Variants in IMMP2L observed in about 807,000 individuals in gnomAD.
IMMP2L encodes mitochondrial inner membrane protease subunit 2.
In IMMP2L, 18 loss-of-function variants were observed where a neutral mutation model predicts 19.3. The observed-to-expected ratio is 0.93, with a 90% CI of 0.64 to 1.38. The LOEUF (loss-of-function observed/expected upper bound fraction) is 1.38, where lower values mean the gene tolerates loss of function less well. Among genes scored for constraint, IMMP2L ranks in the 40% most tolerant of loss-of-function variants. The pLI, the probability that IMMP2L is intolerant of heterozygous loss-of-function variation, is 0.00. For synonymous variants in IMMP2L, 76 were observed against 73.0 expected (o/e 1.04, Z -0.21); for missense variants, 233 against 218.2 (o/e 1.07, Z -0.43).
intron 3 of IMMP2L, among the ~76,000 whole-genome samples, chr7:111,258,006 C>T (rs191916733): frequency 1.3e-5 from 2 of 152,082 alleles, no homozygotes; most frequent in Non-Finnish European, 2.9e-5. Flanking sequence ...TGTTCAACTC[C>T]ACTTATGAGT....
chr7:111,046,636 C>A (rs1792421820), intron 3 of IMMP2L, among the ~76,000 whole-genome samples: 1 of 152,198 alleles, frequency 6.6e-6, no homozygotes. Context: ...GGAATTAGAA[C>A]TCTATACCAG....
chr7:111,434,411 C>A (rs1475596074), intron 3 of IMMP2L, among the ~76,000 whole-genome samples: 1 of 149,540 alleles, frequency 6.7e-6, no homozygotes, highest in Non-Finnish European at 1.5e-5. Context: ...AAAAGAATCA[C>A]AATCAGCAGA....
chr7:110,684,824 G>A (rs184762480), intron 5 of IMMP2L, among the ~76,000 whole-genome samples: 2 of 152,082 alleles, frequency 1.3e-5, no homozygotes, highest in East Asian at 1.9e-4. Flanking sequence ...AACAAGATAT[G>A]CGTGCAGCAA....
intron 3 of IMMP2L, among the ~76,000 whole-genome samples, chr7:111,347,773 C>A (rs1289108284): frequency 1.3e-5 from 2 of 152,030 alleles, no homozygotes; most frequent in African/African-American, 4.8e-5. Flanking sequence ...GCCATTCCTG[C>A]AATGAGCTTC....
intron 3 of IMMP2L, among the ~76,000 whole-genome samples, chr7:111,075,228 G>C (rs943377694): frequency 2.8e-5 from 4 of 145,228 alleles, no homozygotes; most frequent in Non-Finnish European, 5.9e-5. Context: ...CCGGGTTCAA[G>C]TGATTCTCCT....
chr7:111,538,810 C>A (rs1425945201), intron 1 of IMMP2L, among the ~76,000 whole-genome samples: 14 of 114,890 alleles, frequency 1.2e-4, no homozygotes, highest in Non-Finnish European at 2.2e-4. Flanking sequence ...GAGACCCTGG[C>A]TCATTTAAAA....
intron 5 of IMMP2L, among the ~76,000 whole-genome samples, chr7:110,712,780 C>T (rs1404555146): frequency 1.8e-5 from 2 of 110,888 alleles, no homozygotes; most frequent in East Asian, 2.5e-4. Flanking sequence ...TTTCCAGGTG[C>T]GTCCGTCACC....
intron 3 of IMMP2L, among the ~76,000 whole-genome samples, chr7:111,220,914 T>C (rs886795532): frequency 2.0e-5 from 3 of 152,038 alleles, no homozygotes; most frequent in Non-Finnish European, 4.4e-5. Context: ...TTCCTCCATC[T>C]TTTTGTTCTA....
chr7:111,394,987 A>G (rs2131360442), intron 3 of IMMP2L: 1 of 241,146 alleles, frequency 4.1e-6, no homozygotes, highest in Non-Finnish European at 9.1e-6. Context: ...GTTATATGTC[A>G]CTGTGGAGCT....
chr7:110,875,863 T>C (rs146129627), intron 5 of IMMP2L, among the ~76,000 whole-genome samples: 1,533 of 152,228 alleles, frequency 0.01, 13 homozygotes, highest in Admixed American at 0.023. Context: ...AAAAGTTCAA[T>C]ATTCCACAAC....
chr7:111,055,561 G>C (rs1793430486), intron 3 of IMMP2L, among the ~76,000 whole-genome samples: 1 of 152,144 alleles, frequency 6.6e-6, no homozygotes, highest in African/African-American at 2.4e-5. Flanking sequence ...TTTCTGCTGG[G>C]TGCTGGTTTC....
intron 3 of IMMP2L, among the ~76,000 whole-genome samples, chr7:111,043,577 T>C (rs1436284162): frequency 1.3e-5 from 2 of 152,200 alleles, no homozygotes; most frequent in East Asian, 1.9e-4. Context: ...CTAAATATTA[T>C]GGGTTAAACA....
At chr7:111,370,773 A>G (rs1830194059) in intron 3 of IMMP2L, among the ~76,000 whole-genome samples, 1 of 151,824 alleles carries the variant, frequency 6.6e-6, no homozygotes, top group African/African-American at 2.4e-5. Flanking sequence ...TTTTTTTCTC[A>G]TTTAAATTAT....
chr7:111,004,717 A>G (rs1401334810), intron 3 of IMMP2L, among the ~76,000 whole-genome samples: 2 of 152,262 alleles, frequency 1.3e-5, no homozygotes, highest in Non-Finnish European at 2.9e-5. Context: ...TCCAGTTTCT[A>G]TATGAGGCAT....
intron 3 of IMMP2L, among the ~76,000 whole-genome samples, chr7:111,233,431 A>C (rs1813935462): frequency 1.3e-5 from 2 of 152,124 alleles, no homozygotes; most frequent in African/African-American, 4.8e-5. Flanking sequence ...ATTTGAGGAA[A>C]TAGTCATATA....
intron 3 of IMMP2L, among the ~76,000 whole-genome samples, chr7:111,135,098 A>G (rs1041303714): frequency 8.5e-5 from 13 of 152,162 alleles, no homozygotes; most frequent in African/African-American, 3.1e-4. Context: ...CATGTAAGTA[A>G]TTCGGCACAA....
intron 3 of IMMP2L, among the ~76,000 whole-genome samples, chr7:111,009,068 T>C (rs1043117791): frequency 1.3e-5 from 2 of 152,108 alleles, no homozygotes; most frequent in African/African-American, 2.4e-5. Flanking sequence ...TTTTACAATT[T>C]TGGGGGCTGT....
At chr7:110,890,455 C>A (rs916468512) in intron 4 of IMMP2L, among the ~76,000 whole-genome samples, 17 of 152,120 alleles carry the variant, frequency 1.1e-4, no homozygotes, top group Admixed American at 6.5e-5. Context: ...TTCAATCTAA[C>A]TTTTTAAAGA....
rs117328277 is a variant in IMMP2L, at chr7:111,433,509, C to T, written c.239+53729G>A. Among the ~76,000 whole-genome samples the T allele has an allele frequency of 3.6e-4, 54 of 151,890 alleles. No homozygotes were observed. In the East Asian group the frequency reaches 0.01, roughly 28 times the overall value. The stretch of plus-strand genomic sequence containing the variant: ...CAGATCCTGTGAGAGTTATTCACTA[C>T]AATGAGAACTGAATCATGAGTGAAA... On this transcript the variant is annotated intron_variant, in intron 3 of 5. Coordinates refer to ENST00000405709, the MANE Select transcript of IMMP2L (RefSeq NM_032549.4).
Sources: gnomAD v4.1 joint callset for allele counts (sites outside exome capture counted in the v4.1 genomes callset) on GRCh38, gnomAD v4.1.1 for gene constraint, MANE v1.5 for transcripts, NCBI Gene and HGNC (gene_info 2026-07-23, HGNC 2026-07-21) for gene names.